ST7L: variants seen among roughly 807,000 people sequenced by gnomAD.
ST7L encodes suppression of tumorigenicity 7 like, also known as suppressor of tumorigenicity 7 protein-like.
ST7L carries 57 observed loss-of-function variants against 72.5 expected under a neutral mutation model. The observed-to-expected ratio is 0.79, with a 90% confidence interval of 0.64 to 0.98. The LOEUF is 0.98. Ranked by LOEUF, ST7L falls within the 50% of genes least tolerant of loss-of-function variation. The pLI is 0.00. For missense variants in ST7L, 576 were observed against 672.2 expected (o/e 0.86, Z 1.58); for synonymous variants, 221 against 240.9 (o/e 0.92, Z 0.77).
At chr1:112,607,603 A>C (rs1668446151) in intron 3 of ST7L, 1 of 152,126 alleles carries the variant, frequency 6.6e-6, no homozygotes, top group South Asian at 2.1e-4. Flanking sequence ...TCCATCTAAG[A>C]AAAATAAAAA....
intron 5 of ST7L, among the ~76,000 whole-genome samples, chr1:112,595,739 G>C (rs1313321944): frequency 6.6e-6 from 1 of 152,096 alleles, no homozygotes; most frequent in Non-Finnish European, 1.5e-5. Context: ...TTTTTCAATG[G>C]ATTGTAGTGG....
chr1:112,573,910 G>GTTTTT (rs920123003), intron 11 of ST7L, among the ~76,000 whole-genome samples: 27 of 91,856 alleles, frequency 2.9e-4, no homozygotes, highest in Admixed American at 3.9e-4. Context: ...TTCTTTTCCT[G>GTTTTT]TTTTTTTTTT....
intron 11 of ST7L, among the ~76,000 whole-genome samples, chr1:112,557,321 A>G (rs913334979): frequency 1.3e-5 from 2 of 152,134 alleles, no homozygotes; most frequent in Non-Finnish European, 2.9e-5. Flanking sequence ...CCTATTCTGG[A>G]TATTTCATAC....
intron 2 of ST7L, among the ~76,000 whole-genome samples, chr1:112,613,696 A>G (rs780709063): frequency 2.0e-5 from 3 of 152,234 alleles, no homozygotes; most frequent in African/African-American, 2.4e-5. Context: ...GCGGTTTTAT[A>G]AAGAGTAACA....
At chr1:112,526,178 T>C (rs761572915) in intron 14 of ST7L, 67 bp from the exon 15 acceptor site, 151 of 1,605,678 alleles carry the variant, frequency 9.4e-5, no homozygotes, top group Admixed American at 2.9e-4. Context: ...CAAGAGAGTA[T>C]ATCTGAGCAC....
chr1:112,531,306 A>C (rs886741304), intron 14 of ST7L, among the ~76,000 whole-genome samples: 1 of 152,208 alleles, frequency 6.6e-6, no homozygotes, highest in Non-Finnish European at 1.5e-5. Flanking sequence ...CATTTCTTAA[A>C]TTTTGAATTG....
chr1:112,595,371 A>G (rs1344290353), intron 5 of ST7L, among the ~76,000 whole-genome samples: 1 of 66,624 alleles, frequency 1.5e-5, no homozygotes, highest in African/African-American at 6.1e-5. Flanking sequence ...GTCTCAAAAG[A>G]AAAAAAAAAA....
At chr1:112,581,573 A>T (rs1046285477) in intron 9 of ST7L, among the ~76,000 whole-genome samples, 9 of 151,736 alleles carry the variant, frequency 5.9e-5, no homozygotes, top group East Asian at 1.9e-4. Context: ...TAATTTTTTT[A>T]AAAAATTTTT....
At chr1:112,537,650 A>G (rs923296635) in intron 14 of ST7L, among the ~76,000 whole-genome samples, 3 of 152,218 alleles carry the variant, frequency 2.0e-5, no homozygotes, top group African/African-American at 7.2e-5. Flanking sequence ...AGGTGAGAAA[A>G]TGACCTACCA....
chr1:112,577,879 G>C (rs150701034), intron 10 of ST7L, among the ~76,000 whole-genome samples: 196 of 152,280 alleles, frequency 1.3e-3, no homozygotes, highest in African/African-American at 4.5e-3. Flanking sequence ...AATTCACTAA[G>C]AGTAGCCAAA....
At chr1:112,598,469 G>A (rs565698401) in intron 4 of ST7L, among the ~76,000 whole-genome samples, 133 of 150,156 alleles carry the variant, frequency 8.9e-4, no homozygotes, top group African/African-American at 3.1e-3. Context: ...AAAAAATTCA[G>A]CCAGGTGCAG....
intron 11 of ST7L, among the ~76,000 whole-genome samples, chr1:112,574,369 GA>G (rs1209111918): frequency 1.3e-5 from 2 of 148,216 alleles, no homozygotes; most frequent in African/African-American, 2.5e-5. Flanking sequence ...GTCTTAAAAA[GA>G]AAAAAAAAGC....
chr1:112,563,223 G>C (rs1660466050), intron 11 of ST7L, among the ~76,000 whole-genome samples: 1 of 152,052 alleles, frequency 6.6e-6, no homozygotes, highest in South Asian at 2.1e-4. Context: ...TATAATATGA[G>C]TTGGCAATTT....
downstream of ST7L, chr1:112,521,311 CTTTTTTTTT>C (rs5777124): frequency 3.3e-5 from 4 of 122,100 alleles, no homozygotes; most frequent in Non-Finnish European, 5.0e-5. Flanking sequence ...CTTGTGTTGC[CTTTTTTTTT>C]TTTTTTTTTT....
At chr1:112,536,676 A>G (rs2101298509) in intron 14 of ST7L, among the ~76,000 whole-genome samples, 1 of 152,146 alleles carries the variant, frequency 6.6e-6, no homozygotes, top group Admixed American at 6.5e-5. Flanking sequence ...AACTTGGCTA[A>G]TGTAGTCCTT....
At chr1:112,540,694 A>G (rs1441632257) in intron 14 of ST7L, 2 of 1,198,950 alleles carry the variant, frequency 1.7e-6, no homozygotes, top group African/African-American at 3.2e-5. Flanking sequence ...GGCACAAAAT[A>G]AACTATTCTT....
At chr1:112,598,211 G>A in intron 4 of ST7L, 125 bp from the exon 5 acceptor site, 1 of 574,046 alleles carries the variant, frequency 1.7e-6, no homozygotes, top group South Asian at 2.9e-5. Flanking sequence ...CTTACAATCA[G>A]TAAAACAAAA....
intron 6 of ST7L, 86 bp from the exon 7 acceptor site, chr1:112,584,212 T>G (rs1664536864): frequency 3.0e-6 from 4 of 1,348,140 alleles, no homozygotes; most frequent in Non-Finnish European, 3.9e-6. Context: ...CTATGTCATA[T>G]TTCCTTACCT....
chr1:112,574,669 G>A (rs943622880), intron 11 of ST7L, among the ~76,000 whole-genome samples: 12 of 148,714 alleles, frequency 8.1e-5, no homozygotes, highest in South Asian at 6.4e-4. Context: ...AAAAAAAAAA[G>A]AAAAAAAATC....
Sources: allele counts gnomAD v4.1 joint callset (sites outside exome capture counted in the v4.1 genomes callset), GRCh38; gene constraint gnomAD v4.1.1; transcripts MANE v1.5; gene names NCBI Gene and HGNC (gene_info 2026-07-23, HGNC 2026-07-21).